Variants in KLHL13 observed in about 807,000 individuals in gnomAD.
KLHL13 encodes the protein kelch like family member 13.
In KLHL13, 10 loss-of-function variants were observed where a neutral mutation model predicts 37.1. That is an observed-to-expected ratio of 0.27 (90% CI 0.17 to 0.46). The LOEUF (loss-of-function observed/expected upper bound fraction) is 0.46. KLHL13 is among the 20% of genes least tolerant of loss of function. KLHL13 has a pLI of 1.00. For synonymous variants in KLHL13, 163 were observed against 181.2 expected (o/e 0.90, Z 0.81); for missense variants, 360 against 509.3 (o/e 0.71, Z 2.82).
intron 2 of KLHL13, among the ~76,000 whole-genome samples, chrX:117,935,129 C>G (rs950741126): frequency 8.9e-6 from 1 of 111,974 alleles, no homozygotes; most frequent in African/African-American, 3.2e-5. Flanking sequence ...AAGGTATATA[C>G]CAAAAAGAAA....
At chrX:117,907,027 C>T (rs1017749515) in intron 5 of KLHL13, among the ~76,000 whole-genome samples, 1 of 111,168 alleles carries the variant, frequency 9.0e-6, no homozygotes. Context: ...ATTGTTAAAG[C>T]CTAAATATGA....
At chrX:118,014,587 C>A (rs2054106257) in intron 1 of KLHL13, among the ~76,000 whole-genome samples, 2 of 112,195 alleles carry the variant, frequency 1.8e-5, no homozygotes, top group Non-Finnish European at 3.8e-5. Flanking sequence ...TTTTCATACA[C>A]CCCCTCCCCT....
chrX:118,090,528 T>C (rs1362110989), intron 1 of KLHL13, among the ~76,000 whole-genome samples: 1 of 111,386 alleles, frequency 9.0e-6, no homozygotes, highest in Non-Finnish European at 1.9e-5. Flanking sequence ...CATGAAAAAA[T>C]GCTCATCATC....
intron 1 of KLHL13, among the ~76,000 whole-genome samples, chrX:118,066,919 C>G (rs745396972): frequency 2.9e-4 from 32 of 111,720 alleles, no homozygotes; most frequent in Admixed American, 8.6e-4. Flanking sequence ...CCCATGAACA[C>G]AATGAGACAA....
chrX:117,985,750 A>T (rs1432170719), intron 1 of KLHL13, among the ~76,000 whole-genome samples: 1 of 110,420 alleles, frequency 9.1e-6, no homozygotes, highest in Non-Finnish European at 1.9e-5. Flanking sequence ...TATTATCTTT[A>T]TTTTTTATTA....
At chrX:117,963,460 T>G (rs1427126187) in intron 1 of KLHL13, among the ~76,000 whole-genome samples, 2 of 111,981 alleles carry the variant, frequency 1.8e-5, no homozygotes, top group African/African-American at 6.5e-5. Flanking sequence ...AAAGACACTA[T>G]GAACTTTAAA....
At chrX:117,932,595 T>C (rs6645421) in intron 2 of KLHL13, among the ~76,000 whole-genome samples, 10,341 of 111,588 alleles carry the variant, frequency 0.093, 441 homozygotes, top group African/African-American at 0.16. Context: ...AGATATAAAA[T>C]TTTTTTCTTT....
chrX:118,089,513 T>A (rs2055093462), intron 1 of KLHL13, among the ~76,000 whole-genome samples: 1 of 104,891 alleles, frequency 9.5e-6, no homozygotes, highest in South Asian at 4.4e-4. Flanking sequence ...CACAGCAGTA[T>A]CAGATGAAGC....
intron 1 of KLHL13, among the ~76,000 whole-genome samples, chrX:118,032,687 T>C (rs1341160211): frequency 6.3e-5 from 7 of 111,807 alleles, no homozygotes; most frequent in Admixed American, 5.7e-4. Context: ...AGAGCACCTC[T>C]CCTCCTCCAA....
chrX:118,073,120 G>A (rs776906012), intron 1 of KLHL13, among the ~76,000 whole-genome samples: 6 of 108,902 alleles, frequency 5.5e-5, no homozygotes, highest in African/African-American at 2.0e-4. Context: ...CACAAATGAA[G>A]AAAGAAGTCC....
At chrX:118,046,942 T>C (rs1041928317) in intron 1 of KLHL13, among the ~76,000 whole-genome samples, 2 of 111,864 alleles carry the variant, frequency 1.8e-5, no homozygotes, top group African/African-American at 6.5e-5. Context: ...GCAGTTTCAA[T>C]ATCAGTGGGG....
intron 1 of KLHL13, among the ~76,000 whole-genome samples, chrX:118,050,300 T>C (rs1003580389): frequency 3.6e-5 from 4 of 112,312 alleles, no homozygotes; most frequent in African/African-American, 1.3e-4. Flanking sequence ...TGACTCATCA[T>C]TGCAATTGGC....
At chrX:117,952,932 T>C (rs1325125518) in intron 1 of KLHL13, among the ~76,000 whole-genome samples, 1 of 110,317 alleles carries the variant, frequency 9.1e-6, no homozygotes, top group East Asian at 2.9e-4. Context: ...TGTGGAGAAA[T>C]AGAAACACTT....
At chrX:117,972,134 C>T (rs2053533706) in intron 1 of KLHL13, among the ~76,000 whole-genome samples, 1 of 111,572 alleles carries the variant, frequency 9.0e-6, no homozygotes, top group African/African-American at 3.3e-5. Flanking sequence ...TTTTCAATCC[C>T]CATAATATAA....
At chrX:117,946,762 C>T (rs1302640942) in intron 1 of KLHL13, 5 of 112,344 alleles carry the variant, frequency 4.5e-5, no homozygotes, top group Non-Finnish European at 9.4e-5. Flanking sequence ...TATCCAATAT[C>T]AGAAAGGTTT....
intron 1 of KLHL13, among the ~76,000 whole-genome samples, chrX:118,115,281 T>G (rs2055455321): frequency 8.9e-6 from 1 of 112,829 alleles, no homozygotes; most frequent in African/African-American, 3.2e-5. Flanking sequence ...CTCCACTTTG[T>G]GCTTCTCCAT....
At chrX:118,098,305 C>T (rs770037210) in intron 1 of KLHL13, among the ~76,000 whole-genome samples, 43 of 112,004 alleles carry the variant, frequency 3.8e-4, no homozygotes, top group African/African-American at 1.3e-3. Context: ...ATTTATGCAG[C>T]CAAAGGACAC....
chrX:118,109,822 A>G (rs1466000760), intron 1 of KLHL13, among the ~76,000 whole-genome samples: 1 of 112,017 alleles, frequency 8.9e-6, no homozygotes, highest in Admixed American at 9.5e-5. Flanking sequence ...AACTGCAAGA[A>G]AACTGCAGAA....
chrX:117,988,288 G>T (rs1233625222), intron 1 of KLHL13, among the ~76,000 whole-genome samples: 2 of 111,899 alleles, frequency 1.8e-5, no homozygotes, highest in Admixed American at 9.4e-5. Context: ...ATGATGACAG[G>T]ATCAATACTA....
Sources: gnomAD v4.1 joint callset for allele counts (sites outside exome capture counted in the v4.1 genomes callset) on GRCh38, gnomAD v4.1.1 for gene constraint, MANE v1.5 for transcripts, NCBI Gene and HGNC (gene_info 2026-07-23, HGNC 2026-07-21) for gene names.